Variants in ACOX3 observed in about 807,000 individuals in gnomAD.
The protein encoded by ACOX3 is peroxisomal acyl-coenzyme A oxidase 3.
ACOX3 carries 73 observed loss-of-function variants against 81.5 expected under a neutral mutation model. The ratio of observed to expected loss-of-function variants is 0.90; its 90% CI spans 0.74 to 1.09. ACOX3 has a LOEUF of 1.09. Among genes scored for constraint, ACOX3 ranks in the 50% least tolerant of loss-of-function variants. The probability of loss-of-function intolerance (pLI) is 0.00; values close to 1 mark genes in which losing one functional copy is unlikely to be tolerated. For missense variants in ACOX3, 947 were observed against 928.0 expected (o/e 1.02, Z -0.27); for synonymous variants, 387 against 375.1 (o/e 1.03, Z -0.37).
chr4:8,402,261 C>T (rs796829805), intron 7 of ACOX3, among the ~76,000 whole-genome samples: 16 of 152,296 alleles, frequency 1.1e-4, no homozygotes, highest in African/African-American at 1.9e-4. Flanking sequence ...GAAGAGCTCT[C>T]GGCTGCTTTG....
At position 8,386,289 on chromosome 4, in the gene ACOX3, G is replaced by A. The variant is rs1718281545; in HGVS notation, c.1537+2884C>T. ...GAAGCTTAGAAAGTGACTTGCGGCC[G>A]GGCGTGGTGGCTCATGCCTGTGATC... On this transcript the variant is annotated intron_variant, in intron 13 of 17. Coordinates refer to ENST00000356406, the MANE Select transcript of ACOX3 (RefSeq NM_003501.3). The surrounding 1 kb of genome is among the most constrained non-coding windows in gnomAD (Gnocchi z 5.2). Among the ~76,000 whole-genome samples the A allele has an allele frequency of 6.6e-6, 1 of 152,032 alleles. No individual in the cohort carries two copies. The highest frequency in any genetic ancestry group is 6.6e-5 in the Admixed American group (1 of 15,266).
intron 1 of ACOX3, among the ~76,000 whole-genome samples, chr4:8,439,567 A>C (rs150238188): frequency 3.3e-4 from 51 of 152,390 alleles, no homozygotes; most frequent in African/African-American, 1.2e-3. Context: ...TTATTAAGAA[A>C]TACTGTGTTG....
intron 1 of ACOX3, chr4:8,439,179 T>A (rs1724436425): frequency 6.6e-6 from 1 of 152,218 alleles, no homozygotes; most frequent in Admixed American, 6.5e-5. Flanking sequence ...CTGTATATTG[T>A]TTTGTTATTG....
chr4:8,383,482 A>G (rs370695589), intron 13 of ACOX3, among the ~76,000 whole-genome samples: 22 of 152,350 alleles, frequency 1.4e-4, no homozygotes, highest in African/African-American at 5.3e-4. Context: ...AGAGACAGCA[A>G]AGTCACAGAG....
intron 13 of ACOX3, among the ~76,000 whole-genome samples, chr4:8,383,698 G>A (rs1257718087): frequency 6.6e-6 from 1 of 152,184 alleles, no homozygotes. Flanking sequence ...AGGCTGCCCA[G>A]GGGTCATCCT....
chr4:8,390,738 A>T (rs1299422107), intron 11 of ACOX3, among the ~76,000 whole-genome samples: 1 of 152,034 alleles, frequency 6.6e-6, no homozygotes, highest in Non-Finnish European at 1.5e-5. Context: ...GACTTCTCAC[A>T]CTCACGTACT....
intron 1 of ACOX3, among the ~76,000 whole-genome samples, chr4:8,427,778 T>C (rs1248685666): frequency 6.6e-6 from 1 of 152,246 alleles, no homozygotes; most frequent in Non-Finnish European, 1.5e-5. Flanking sequence ...AACAATGCCT[T>C]GCTAGGGCCC....
At position 8,419,618 on chromosome 4, in the gene ACOX3, C is replaced by T. The variant is rs2688228; in HGVS notation, c.-14-3083G>A. Among the ~76,000 whole-genome samples the T allele has an allele frequency of 0.36, 54,754 of 151,850 alleles. 10,253 individuals are homozygous for T. Among genetic ancestry groups the T allele is most frequent in the South Asian group, 0.46 (2,199 of 4,800 alleles). On this transcript the variant is annotated intron_variant, in intron 1 of 17. Coordinates refer to ENST00000356406, the MANE Select transcript of ACOX3 (RefSeq NM_003501.3). This position sits in a 1 kb window ranked among gnomAD's most constrained non-coding sequence, Gnocchi z 4.2. ...GTGACCACATGACTCAGCAATTCCA[C>T]TCTGAGGTATGTACGCAAGAGAACC...
Position 8,389,864 on chromosome 4 carries a change from G to T in ACOX3, c.1301-130C>A. 1 of 1,240,840 alleles carries T rather than the reference G, an allele frequency of 8.1e-7. No homozygotes were observed. The highest frequency in any genetic ancestry group is 2.6e-5 in the East Asian group (1 of 38,538). The allele number at this position is 1,240,840 out of a possible 1,614,324, so 76.9% of individuals were successfully genotyped here. A position where few individuals can be genotyped will look rare whatever the true frequency, so the allele number is the denominator to read the frequency against. On this transcript the variant is annotated intron_variant, in intron 11 of 17. Transcript: ENST00000356406. This position sits in a 1 kb window ranked among gnomAD's most constrained non-coding sequence, Gnocchi z 5.3. Reference sequence around the variant, plus strand: ...TCACACCTGTAATGGCAGCACTTTGGGGGGCCGAGGCGGGTGGATCACTTG... The same window carrying T: ...TCACACCTGTAATGGCAGCACTTTGTGGGGCCGAGGCGGGTGGATCACTTG...
At chr4:8,362,076 T>C (rs1245252099), downstream of ACOX3, among the ~76,000 whole-genome samples, 2 of 152,238 alleles carry the variant, frequency 1.3e-5, no homozygotes, top group African/African-American at 4.8e-5. Flanking sequence ...ACAATTGTTA[T>C]CTTGTTTTAA....
intron 1 of ACOX3, among the ~76,000 whole-genome samples, chr4:8,433,208 TCTC>T (rs1724046416): frequency 6.6e-6 from 1 of 152,216 alleles, no homozygotes; most frequent in South Asian, 2.1e-4. Flanking sequence ...TCTGCACCAT[TCTC>T]CTGACACGCT....
chr4:8,380,002 T>C (rs771245956), intron 14 of ACOX3, among the ~76,000 whole-genome samples: 20 of 152,068 alleles, frequency 1.3e-4, no homozygotes, highest in Non-Finnish European at 2.8e-4. Context: ...CAGTGGAAGC[T>C]GACAGGCATC....
rs1468533559 is a variant in ACOX3 at position 8,374,978 on chromosome 4, C to T, written c.1828G>A (p.Gly610Arg). 2.6e-6 allele frequency: 4 copies of T among 1,513,588 alleles called. No homozygotes were observed. The highest frequency in any genetic ancestry group is 3.6e-6 in the Non-Finnish European group (4 of 1,122,710). 93.8% of individuals were successfully genotyped at this position (1,513,588 alleles called of 1,614,324 possible). A position where few individuals can be genotyped will look rare whatever the true frequency, so the allele number is the denominator to read the frequency against. ...GCAAGCCCGCAGTCAGAAGCCTCAC[C>T]TCGGTAGAGCAGGGCCGCGTGGCGG... The part of the protein sequence containing the change: ...LSRHAALLYR[G>R]GYFSGEQAGE... Residue 610 changes from glycine (G) to arginine (R), a missense_variant and splice_region_variant, in exon 15 of 18, where the codon GGA becomes AGA. Transcript: ENST00000356406.
At chr4:8,409,730 C>T (rs1282955573) in intron 6 of ACOX3, among the ~76,000 whole-genome samples, 4 of 104,728 alleles carry the variant, frequency 3.8e-5, no homozygotes, top group African/African-American at 1.1e-4. Flanking sequence ...ACACCGTGGG[C>T]GGGGCTGTGG....
intron 7 of ACOX3, among the ~76,000 whole-genome samples, chr4:8,401,769 A>G (rs1239059935): frequency 6.6e-6 from 1 of 152,072 alleles, no homozygotes; most frequent in African/African-American, 2.4e-5. Flanking sequence ...CCTTGCCATG[A>G]GGTGGTCCTG....
chr4:8,387,804 C>T (rs550423673), intron 13 of ACOX3, among the ~76,000 whole-genome samples: 88 of 152,302 alleles, frequency 5.8e-4, no homozygotes, highest in African/African-American at 2.0e-3. Flanking sequence ...CCCCTCCCTG[C>T]GCTCAGGCAG....
rs890139822 is a variant in ACOX3 at position 8,419,711 on chromosome 4, G to A, written c.-14-3176C>T. On this transcript the variant is annotated intron_variant, in intron 1 of 17. Coordinates refer to ENST00000356406, the MANE Select transcript of ACOX3 (RefSeq NM_003501.3). The surrounding 1 kb of genome is among the most constrained non-coding windows in gnomAD (Gnocchi z 4.2). ...CACCTCCAGACTCGTGAGCTCATTT[G>A]GCAGTCAACGGCAATTCCCCACCTC... Among the ~76,000 whole-genome samples the A allele has an allele frequency of 6.6e-6, 1 of 152,128 alleles. No individual in the cohort carries two copies. The highest frequency in any genetic ancestry group is 1.5e-5 in the Non-Finnish European group (1 of 68,012).
At chr4:8,404,586 G>C (rs998248775) in intron 7 of ACOX3, among the ~76,000 whole-genome samples, 8 of 152,160 alleles carry the variant, frequency 5.3e-5, no homozygotes, top group Non-Finnish European at 1.2e-4. Flanking sequence ...GGGCCAAGCA[G>C]AGATTTAAGA....
chr4:8,370,293 T>C lies in ACOX3; in HGVS notation c.1983+615A>G, dbSNP rs827006. ...GGGCCTTGGAAGGATTCAGTGGCTGTGTGGGGCTGGGGCGTGGCAGGCAGT... is the reference window on the plus strand; with the variant it reads ...GGGCCTTGGAAGGATTCAGTGGCTGCGTGGGGCTGGGGCGTGGCAGGCAGT... On this transcript the variant is annotated intron_variant, in intron 17 of 17. Transcript: ENST00000356406. The surrounding 1 kb of genome is among the most constrained non-coding windows in gnomAD (Gnocchi z 6.3). Among the ~76,000 whole-genome samples the C allele has an allele frequency of 0.68, 103,898 of 151,936 alleles. 36,969 individuals carry two copies. Among genetic ancestry groups the C allele is most frequent in the African/African-American group, 0.88 (36,736 of 41,522 alleles).
Sources: allele counts gnomAD v4.1 joint callset (sites outside exome capture counted in the v4.1 genomes callset), GRCh38; gene constraint gnomAD v4.1.1; non-coding constraint Gnocchi (gnomAD v3.1); transcripts MANE v1.5; gene names NCBI Gene and HGNC (gene_info 2026-07-23, HGNC 2026-07-21).